Variants in ERC1 observed in about 807,000 individuals in gnomAD.
ERC1 encodes RAB6 interacting protein 2.
ERC1 carries 56 observed loss-of-function variants against 132.0 expected under a neutral mutation model. The ratio of observed to expected loss-of-function variants is 0.42; its 90% CI spans 0.34 to 0.53. The LOEUF is 0.53. Among genes scored for constraint, ERC1 ranks in the 20% least tolerant of loss-of-function variants. The probability of loss-of-function intolerance (pLI) is 0.03; values close to 1 mark genes in which losing one functional copy is unlikely to be tolerated. For missense variants in ERC1, 1,202 were observed against 1,349.9 expected, an observed-to-expected ratio of 0.89 and a Z score of 1.72; for synonymous variants, 478 against 476.1, an observed-to-expected ratio of 1.00 and a Z score of -0.05.
intron 2 of ERC1, among the ~76,000 whole-genome samples, chr12:1,060,046 G>A (rs1193819432): frequency 2.6e-5 from 4 of 152,134 alleles, no homozygotes; most frequent in Non-Finnish European, 5.9e-5. Flanking sequence ...TTTACTACTT[G>A]TATTAGTCTG....
intron 7 of ERC1, among the ~76,000 whole-genome samples, chr12:1,129,151 A>C (rs916176612): frequency 6.6e-6 from 1 of 152,214 alleles, no homozygotes; most frequent in African/African-American, 2.4e-5. Context: ...ACCTACATAC[A>C]GCATAGTGGA....
At chr12:1,058,465 G>A (rs942392218) in intron 2 of ERC1, among the ~76,000 whole-genome samples, 1 of 152,128 alleles carries the variant, frequency 6.6e-6, no homozygotes, top group African/African-American at 2.4e-5. Context: ...TTTTCCCAAA[G>A]TATGGTTTTG....
chr12:1,256,138 A>G (rs1427946399), intron 13 of ERC1, among the ~76,000 whole-genome samples: 1 of 152,100 alleles, frequency 6.6e-6, no homozygotes, highest in Non-Finnish European at 1.5e-5. Flanking sequence ...GATTCTGGAT[A>G]TTAGCCCTTT....
At chr12:1,386,074 C>CT (rs1332012011) in intron 16 of ERC1, 1 of 122,198 alleles carries the variant, frequency 8.2e-6, no homozygotes, top group Non-Finnish European at 1.6e-5. Context: ...GAGTCTTGCT[C>CT]TTTCGACCAA....
At chr12:1,093,248 A>G (rs1329527717) in intron 3 of ERC1, among the ~76,000 whole-genome samples, 1 of 152,102 alleles carries the variant, frequency 6.6e-6, no homozygotes, top group African/African-American at 2.4e-5. Flanking sequence ...GAAGCATTGT[A>G]TTTTCTGTTT....
At chr12:1,004,681 A>G (rs981023766) in intron 1 of ERC1, among the ~76,000 whole-genome samples, 9 of 152,062 alleles carry the variant, frequency 5.9e-5, no homozygotes, top group Non-Finnish European at 8.8e-5. Context: ...CTGGGATTAC[A>G]GGTGTGAGCC....
chr12:1,468,468 G>A (rs759454460), intron 18 of ERC1, among the ~76,000 whole-genome samples: 13 of 152,178 alleles, frequency 8.5e-5, no homozygotes, highest in Non-Finnish European at 1.5e-4. Flanking sequence ...CCAGCATTGT[G>A]TTGCACACCT....
chr12:1,182,144 A>T (rs1446846456), intron 10 of ERC1, 79 bp downstream of exon 10: 1 of 1,338,340 alleles, frequency 7.5e-7, no homozygotes, highest in East Asian at 2.3e-5. Context: ...CATAATGCAT[A>T]TAAAAAAGTA....
intron 2 of ERC1, among the ~76,000 whole-genome samples, chr12:1,042,403 T>A (rs1187406582): frequency 6.9e-6 from 1 of 143,894 alleles, no homozygotes; most frequent in Non-Finnish European, 1.5e-5. Context: ...TGGAGTGCAG[T>A]GACACGATCT....
chr12:1,103,899 T>C (rs1273796806), intron 3 of ERC1, among the ~76,000 whole-genome samples: 1 of 152,150 alleles, frequency 6.6e-6, no homozygotes, highest in Non-Finnish European at 1.5e-5. Flanking sequence ...GTGAGATGAC[T>C]AGGTGGATAG....
intron 12 of ERC1, among the ~76,000 whole-genome samples, chr12:1,209,013 G>A (rs543763654): frequency 7.4e-6 from 1 of 134,810 alleles, no homozygotes; most frequent in East Asian, 2.3e-4. Flanking sequence ...CTGTCTCCCA[G>A]GCTGGAGTGC....
chr12:1,270,057 G>T (rs951024681), intron 14 of ERC1, among the ~76,000 whole-genome samples: 2 of 152,154 alleles, frequency 1.3e-5, no homozygotes, highest in Non-Finnish European at 2.9e-5. Flanking sequence ...TTACTATCTG[G>T]TTTGGGGTAT....
intron 8 of ERC1, among the ~76,000 whole-genome samples, chr12:1,145,958 T>C (rs1009101269): frequency 6.6e-6 from 1 of 152,162 alleles, no homozygotes; most frequent in African/African-American, 2.4e-5. Flanking sequence ...AGTACCATGA[T>C]TGGTTTTGGC....
intron 8 of ERC1, among the ~76,000 whole-genome samples, chr12:1,147,082 A>G (rs1051383727): frequency 6.6e-6 from 1 of 152,200 alleles, no homozygotes; most frequent in Admixed American, 6.5e-5. Context: ...CGCAATAAAC[A>G]TACGTGTGCA....
chr12:1,246,666 G>C (rs1398573676), intron 13 of ERC1, among the ~76,000 whole-genome samples: 4 of 152,176 alleles, frequency 2.6e-5, no homozygotes, highest in Admixed American at 2.6e-4. Flanking sequence ...AAAGTGTTTA[G>C]AGTTAACATT....
Position 1,083,443 on chromosome 12 carries a change from C to G in ERC1, c.949C>G (p.Gln317Glu). 1 of 1,614,132 alleles carries G rather than the reference C, an allele frequency of 6.2e-7. No homozygotes were observed. Among genetic ancestry groups the G allele is most frequent in the South Asian group, 1.1e-5 (1 of 91,078 alleles). The change falls in exon 3 of 19, where the codon CAG becomes GAG. Residue 317 changes from glutamine to glutamate, a missense_variant. Physicochemically the swap from Gln to Glu is conservative, Grantham distance 29 (BLOSUM62 2). Coordinates refer to ENST00000360905, the MANE Select transcript of ERC1 (RefSeq NM_178040.4). ...ESIKKLLEML[Q>E]SKGLSAKATE... ...CATTAAGAAGCTTCTGGAAATGTTG[C>G]AGAGCAAAGGACTTTCTGCCAAGGC... is the stretch of plus-strand genomic sequence containing the variant.
At chr12:1,478,760 G>A (rs937239370) in intron 18 of ERC1, among the ~76,000 whole-genome samples, 5 of 150,810 alleles carry the variant, frequency 3.3e-5, no homozygotes, top group African/African-American at 1.2e-4. Flanking sequence ...CTGCACTCCA[G>A]CCTGAGCGAC....
intron 15 of ERC1, among the ~76,000 whole-genome samples, chr12:1,370,241 AC>A (rs1591583033): frequency 2.0e-5 from 3 of 152,252 alleles, no homozygotes. Context: ...TAAATTTCTT[AC>A]ATCAGCTTCC....
At chr12:1,100,878 G>A (rs145594539) in intron 3 of ERC1, among the ~76,000 whole-genome samples, 266 of 152,322 alleles carry the variant, frequency 1.7e-3, no homozygotes, top group African/African-American at 6.1e-3. Context: ...ATGAGTATAG[G>A]TGGAAAAGAG....
Sources: allele counts gnomAD v4.1 joint callset (sites outside exome capture counted in the v4.1 genomes callset), GRCh38; gene constraint gnomAD v4.1.1; transcripts MANE v1.5; gene names NCBI Gene and HGNC (gene_info 2026-07-23, HGNC 2026-07-21).